Variants in PTPRD observed in about 807,000 individuals in gnomAD.
The protein encoded by PTPRD is protein tyrosine phosphatase receptor type D, also known as receptor-type tyrosine-protein phosphatase delta.
Under a neutral mutation model 214.5 loss-of-function variants are expected in PTPRD, and 34 were observed. That is an observed-to-expected ratio of 0.16 (90% confidence interval 0.12 to 0.21). PTPRD has a LOEUF of 0.21. PTPRD is among the 10% of genes least tolerant of loss of function. The pLI, the probability that PTPRD is intolerant of heterozygous loss-of-function variation, is 1.00. For missense variants in PTPRD, 2,545 were observed against 2,398.7 expected, an observed-to-expected ratio of 1.06 and a Z score of -1.27; for synonymous variants, 1,128 against 845.7, an observed-to-expected ratio of 1.33 and a Z score of -5.79.
intron 11 of PTPRD, among the ~76,000 whole-genome samples, chr9:8,939,574 A>G (rs541433599): frequency 0.04 from 841 of 21,212 alleles, 5 homozygotes; most frequent in African/African-American, 0.049. Context: ...TGATATATAC[A>G]TAACACACAC....
chr9:9,401,338 CTT>C (rs1372332593), intron 8 of PTPRD, among the ~76,000 whole-genome samples: 2 of 151,952 alleles, frequency 1.3e-5, no homozygotes, highest in Non-Finnish European at 2.9e-5. Context: ...AAATCCCCCT[CTT>C]TTCTAATTAC....
intron 8 of PTPRD, among the ~76,000 whole-genome samples, chr9:9,442,768 G>C (rs2088638806): frequency 6.6e-6 from 1 of 152,154 alleles, no homozygotes; most frequent in Admixed American, 6.5e-5. Context: ...GCCATACTGG[G>C]AATGTCTTCT....
chr9:9,966,360 A>G (rs2094699739), intron 4 of PTPRD, among the ~76,000 whole-genome samples: 1 of 152,156 alleles, frequency 6.6e-6, no homozygotes, highest in Non-Finnish European at 1.5e-5. Flanking sequence ...TTTCTTTTTG[A>G]CACATCATAT....
At chr9:10,149,994 G>A (rs541547280) in intron 3 of PTPRD, among the ~76,000 whole-genome samples, 3 of 152,126 alleles carry the variant, frequency 2.0e-5, no homozygotes, top group African/African-American at 7.2e-5. Context: ...CTCCCAAAGT[G>A]CTGGGATTAC....
At chr9:10,260,665 T>C (rs529861999) in intron 3 of PTPRD, among the ~76,000 whole-genome samples, 69 of 152,290 alleles carry the variant, frequency 4.5e-4, no homozygotes, top group African/African-American at 1.6e-3. Flanking sequence ...AGGGTGATAC[T>C]TATCCTGATG....
chr9:10,117,284 C>A (rs764090050), intron 3 of PTPRD, among the ~76,000 whole-genome samples: 1 of 152,062 alleles, frequency 6.6e-6, no homozygotes, highest in African/African-American at 2.4e-5. Flanking sequence ...AAATGTAGAA[C>A]CTGAGAAGTT....
rs547874735 is a variant in PTPRD, at chr9:10,539,237, T to C, written c.-600+73161A>G. ...TCTCGCTCTGTTGCCCAGGTTGGAGTGCAGTGGTGTGATCTCAGCTCACTG... is the reference window on the plus strand; with the variant it reads ...TCTCGCTCTGTTGCCCAGGTTGGAGCGCAGTGGTGTGATCTCAGCTCACTG... On this transcript the variant is annotated intron_variant, in intron 2 of 45. Coordinates refer to ENST00000381196, the MANE Select transcript of PTPRD (RefSeq NM_002839.4). Among the ~76,000 whole-genome samples the C allele has an allele frequency of 2.6e-5, 4 of 152,264 alleles. No individual in the cohort carries two copies. In the South Asian group the frequency reaches 8.3e-4, roughly 32 times the overall value.
At chr9:8,549,506 G>C (rs1276116157) in intron 14 of PTPRD, among the ~76,000 whole-genome samples, 2 of 152,150 alleles carry the variant, frequency 1.3e-5, no homozygotes, top group Admixed American at 6.5e-5. Flanking sequence ...TTCCAAGTAT[G>C]TTTTCCACAC....
chr9:10,531,117 T>A (rs1320702646), intron 2 of PTPRD, among the ~76,000 whole-genome samples: 1 of 152,000 alleles, frequency 6.6e-6, no homozygotes, highest in South Asian at 2.1e-4. Flanking sequence ...GCCCGGCTAA[T>A]TTTTGTATTT....
At chr9:9,324,958 C>T (rs1453190514) in intron 9 of PTPRD, among the ~76,000 whole-genome samples, 1 of 152,126 alleles carries the variant, frequency 6.6e-6, no homozygotes, top group East Asian at 1.9e-4. Context: ...AATCCTTTCC[C>T]CATTTCTTGT....
chr9:8,795,981 T>C (rs55768511), intron 11 of PTPRD, among the ~76,000 whole-genome samples: 17,929 of 152,198 alleles, frequency 0.12, 1,259 homozygotes, highest in East Asian at 0.35. Context: ...TTAACTTCGA[T>C]AAGAAAACAC....
chr9:10,253,587 C>T (rs1455967737), intron 3 of PTPRD, among the ~76,000 whole-genome samples: 7 of 152,162 alleles, frequency 4.6e-5, no homozygotes, highest in African/African-American at 1.2e-4. Context: ...TGAGTTTCAT[C>T]GCTCAGCTTT....
intron 7 of PTPRD, among the ~76,000 whole-genome samples, chr9:9,587,559 C>T (rs1358497518): frequency 7.7e-6 from 1 of 129,642 alleles, no homozygotes; most frequent in Middle Eastern, 3.5e-3. Flanking sequence ...AGTTTGCTTC[C>T]TTCTAAGTAT....
chr9:8,556,800 T>C (rs901062524), intron 14 of PTPRD, among the ~76,000 whole-genome samples: 2 of 152,042 alleles, frequency 1.3e-5, no homozygotes, highest in African/African-American at 4.8e-5. Context: ...AGCATCTGGA[T>C]TGGTAAGGAG....
chr9:9,467,301 GAACAGGC>G (rs941419711), intron 8 of PTPRD, among the ~76,000 whole-genome samples: 1 of 130,544 alleles, frequency 7.7e-6, no homozygotes, highest in African/African-American at 2.9e-5. Flanking sequence ...CCTAGAAGTT[GAACAGGC>G]TAGGCATGGT....
intron 10 of PTPRD, among the ~76,000 whole-genome samples, chr9:9,051,231 C>A (rs1327094059): frequency 6.6e-6 from 1 of 151,962 alleles, no homozygotes; most frequent in African/African-American, 2.4e-5. Context: ...ATTAAAAAAT[C>A]TAAAAAAATT....
chr9:8,528,506 ATAAAT>A (rs2074823547), intron 15 of PTPRD, 80 bp downstream of exon 15: 6 of 1,218,974 alleles, frequency 4.9e-6, no homozygotes, highest in Non-Finnish European at 7.0e-6. Flanking sequence ...GAAATAAAAA[ATAAAT>A]TAAAATTAAA....
At chr9:8,741,135 T>C (rs2091814969) in intron 11 of PTPRD, among the ~76,000 whole-genome samples, 1 of 152,164 alleles carries the variant, frequency 6.6e-6, no homozygotes, top group Admixed American at 6.5e-5. Context: ...CAAAATGACA[T>C]TATTAACTTT....
chr9:8,660,250 G>A (rs911188106), intron 12 of PTPRD, among the ~76,000 whole-genome samples: 3 of 151,328 alleles, frequency 2.0e-5, no homozygotes, highest in African/African-American at 7.4e-5. Flanking sequence ...TCTAAGCTAA[G>A]CAATAATAGC....
Sources: allele counts gnomAD v4.1 joint callset (sites outside exome capture counted in the v4.1 genomes callset), GRCh38; gene constraint gnomAD v4.1.1; transcripts MANE v1.5; gene names NCBI Gene and HGNC (gene_info 2026-07-23, HGNC 2026-07-21).